The following SEMA3C variants were observed in gnomAD, a reference collection of about 807,000 sequenced individuals.
The protein encoded by SEMA3C is semaphorin-3C.
SEMA3C carries 47 observed loss-of-function variants against 89.4 expected under a neutral mutation model. The ratio of observed to expected loss-of-function variants is 0.53; its 90% CI spans 0.42 to 0.67. The LOEUF is 0.67. SEMA3C is among the 30% of genes least tolerant of loss of function. The pLI, the probability that SEMA3C is intolerant of heterozygous loss-of-function variation, is 0.00. For missense variants in SEMA3C, 839 were observed against 929.1 expected (o/e 0.90, Z 1.26); for synonymous variants, 310 against 320.2 (o/e 0.97, Z 0.34).
chr7:80,904,110 G>A (rs770198611), intron 2 of SEMA3C, among the ~76,000 whole-genome samples: 7 of 152,094 alleles, frequency 4.6e-5, no homozygotes, highest in African/African-American at 7.2e-5. Flanking sequence ...GCAAGATCTC[G>A]GCTCACTGCA....
In SEMA3C at chr7:80,798,146, G is replaced by T; in HGVS notation, c.1077C>A (p.Pro359=). 1.9e-6 allele frequency: 3 copies of T among 1,608,114 alleles called. No individual in the cohort carries two copies. The highest frequency in any genetic ancestry group is 2.5e-6 in the Non-Finnish European group (3 of 1,177,542). Reference sequence around the variant, plus strand: ...CCTGATAGGAAATCAGCTGATGATTGGGCCCTTCTTTGTGGGCAAAAGGCC... The same window carrying T: ...CCTGATAGGAAATCAGCTGATGATTTGGCCCTTCTTTGTGGGCAAAAGGCC... ...FNGPFAHKEG[P]NHQLISYQGR... is the part of the protein sequence containing the mutation. The change falls in exon 11 of 18, where the codon CCC becomes CCA. Residue 359 remains proline, a synonymous_variant. Transcript: ENST00000265361.
intron 2 of SEMA3C, among the ~76,000 whole-genome samples, chr7:80,837,039 G>A (rs1207291426): frequency 6.6e-6 from 1 of 152,132 alleles, no homozygotes; most frequent in East Asian, 1.9e-4. Flanking sequence ...CATGCTGTCA[G>A]TGCTCCTTTA....
At chr7:80,822,312 G>T (rs900971853) in intron 4 of SEMA3C, among the ~76,000 whole-genome samples, 1 of 151,322 alleles carries the variant, frequency 6.6e-6, no homozygotes, top group African/African-American at 2.4e-5. Flanking sequence ...GGTGACATTT[G>T]AGCTGAGTCT....
intron 2 of SEMA3C, among the ~76,000 whole-genome samples, chr7:80,888,196 T>C (rs1000073424): frequency 4.6e-5 from 7 of 152,084 alleles, no homozygotes; most frequent in African/African-American, 1.7e-4. Flanking sequence ...GAGGATCCCT[T>C]GAGCTCAGGA....
chr7:80,922,085 C>G (rs1055659312), upstream of SEMA3C, among the ~76,000 whole-genome samples: 4 of 152,006 alleles, frequency 2.6e-5, no homozygotes, highest in African/African-American at 9.7e-5. Context: ...TGTGTATTTG[C>G]GAGGTACTTT....
Position 80,754,957 on chromosome 7 carries a change from G to GTTTTTTTTTTTTGTTTTTTTTGT in SEMA3C, c.1643+3373_1643+3374insACAAAAAAAACAAAAAAAAAAAA, listed in dbSNP as rs1554359488. Reference sequence around the variant, plus strand: ...CATGCCTGGCGAATTGTTTTTTTTTGTTTTTTTTTTTTTTGTATTTTTAGT... The same window carrying GTTTTTTTTTTTTGTTTTTTTTGT: ...CATGCCTGGCGAATTGTTTTTTTTTGTTTTTTTTTTTTGTTTTTTTTGTTTTTTTTTTTTTTTGTATTTTTAGT... On this transcript the variant is annotated intron_variant, in intron 15 of 17. Transcript: ENST00000265361. Among the ~76,000 whole-genome samples, 406 of 108,268 alleles carry GTTTTTTTTTTTTGTTTTTTTTGT rather than the reference G, an allele frequency of 3.7e-3. 4 individuals are homozygous for GTTTTTTTTTTTTGTTTTTTTTGT. The highest frequency in any genetic ancestry group is 0.014 in the African/African-American group (384 of 28,240). The allele number at this position is 108,268 out of a possible 152,430, so 71.0% of individuals were successfully genotyped here.
intron 16 of SEMA3C, among the ~76,000 whole-genome samples, chr7:80,750,471 T>TACACACACAC (rs1450069681): frequency 6.9e-3 from 359 of 52,262 alleles, no homozygotes; most frequent in Non-Finnish European, 0.011. Context: ...TATATATATA[T>TACACACACAC]ATACACACAC....
intron 12 of SEMA3C, among the ~76,000 whole-genome samples, chr7:80,772,738 T>C (rs188076417): frequency 6.6e-6 from 1 of 152,246 alleles, no homozygotes; most frequent in African/African-American, 2.4e-5. Flanking sequence ...CTGCAGAGCC[T>C]TTCACAAAAG....
rs145837504 is a variant in SEMA3C, at chr7:80,793,170, T to C, written c.1132-3642A>G. Among the ~76,000 whole-genome samples, 33 of 152,328 alleles carry C rather than the reference T, an allele frequency of 2.2e-4. No homozygotes were observed. In the East Asian group the frequency reaches 6.0e-3, roughly 28 times the overall value. ...TCAAGCAGTGATAAGCCCTCCTTTT[T>C]TGAGTAAAGACATTTCAAGTGCTCT... On this transcript the variant is annotated intron_variant, in intron 11 of 17. Transcript: ENST00000265361.
chr7:80,915,977 T>C (rs1792262840), intron 2 of SEMA3C, among the ~76,000 whole-genome samples: 1 of 152,116 alleles, frequency 6.6e-6, no homozygotes, highest in Non-Finnish European at 1.5e-5. Flanking sequence ...ACTAACCAAA[T>C]TCATTCATCT....
chr7:80,772,762 T>C (rs1217385733), intron 12 of SEMA3C, among the ~76,000 whole-genome samples: 2 of 152,214 alleles, frequency 1.3e-5, no homozygotes, highest in Non-Finnish European at 2.9e-5. Context: ...AAATACTTTG[T>C]TGCATTATGA....
chr7:80,915,261 T>A (rs1257551156), intron 2 of SEMA3C, among the ~76,000 whole-genome samples: 3 of 152,188 alleles, frequency 2.0e-5, no homozygotes, highest in African/African-American at 7.2e-5. Flanking sequence ...GGGTCTGTTT[T>A]TCCATTCTTC....
At chr7:80,879,940 C>T (rs11979430) in intron 2 of SEMA3C, among the ~76,000 whole-genome samples, 17,787 of 152,074 alleles carry the variant, frequency 0.12, 1,735 homozygotes, top group African/African-American at 0.26. Context: ...AGACCCATCA[C>T]GGTACCAACG....
At chr7:80,834,578 T>C (rs1481123093) in intron 2 of SEMA3C, among the ~76,000 whole-genome samples, 1 of 152,200 alleles carries the variant, frequency 6.6e-6, no homozygotes, top group Non-Finnish European at 1.5e-5. Flanking sequence ...GTTTGTTCTC[T>C]GTTAAGCCAG....
intron 8 of SEMA3C, among the ~76,000 whole-genome samples, chr7:80,803,634 T>G (rs1016869581): frequency 3.9e-5 from 6 of 152,280 alleles, no homozygotes; most frequent in South Asian, 4.1e-4. Context: ...TAATTAGAAT[T>G]TTATTAAAGC....
intron 2 of SEMA3C, among the ~76,000 whole-genome samples, chr7:80,846,805 C>T (rs1386898385): frequency 2.0e-5 from 3 of 152,134 alleles, no homozygotes; most frequent in Non-Finnish European, 2.9e-5. Flanking sequence ...AGCACTATGA[C>T]GTGCATACAC....
chr7:80,776,664 C>T (rs1788555851), intron 12 of SEMA3C, among the ~76,000 whole-genome samples: 1 of 152,122 alleles, frequency 6.6e-6, no homozygotes, highest in African/African-American at 2.4e-5. Context: ...AAAGAAATGC[C>T]ACCAACATAT....
intron 2 of SEMA3C, among the ~76,000 whole-genome samples, chr7:80,829,413 C>T (rs1055218861): frequency 8.5e-5 from 13 of 152,090 alleles, no homozygotes; most frequent in Admixed American, 1.3e-4. Context: ...GTGTGATTGT[C>T]TTCTTATCCT....
At chr7:80,791,288 T>C (rs566275519) in intron 11 of SEMA3C, among the ~76,000 whole-genome samples, 2 of 152,252 alleles carry the variant, frequency 1.3e-5, no homozygotes, top group South Asian at 4.1e-4. Context: ...ATCTGAGTGT[T>C]AAGTTATATG....
Sources: gnomAD v4.1 joint callset for allele counts (sites outside exome capture counted in the v4.1 genomes callset) on GRCh38, gnomAD v4.1.1 for gene constraint, MANE v1.5 for transcripts, NCBI Gene and HGNC (gene_info 2026-07-23, HGNC 2026-07-21) for gene names.